GRM8: variants seen among roughly 807,000 people sequenced by gnomAD.
GRM8 encodes glutamate metabotropic receptor 8.
Under a neutral mutation model 87.2 loss-of-function variants are expected in GRM8, and 47 were observed. The observed-to-expected ratio is 0.54, with a 90% CI of 0.43 to 0.69. GRM8 has a LOEUF of 0.69. GRM8 is among the 30% of genes least tolerant of loss of function. The pLI is 0.00. For synonymous variants in GRM8, 396 were observed against 404.5 expected (o/e 0.98, Z 0.25); for missense variants, 1,019 against 1,139.2 (o/e 0.89, Z 1.52).
chr7:126,789,066 C>T (rs1820987486), intron 6 of GRM8, among the ~76,000 whole-genome samples: 1 of 152,022 alleles, frequency 6.6e-6, no homozygotes, highest in African/African-American at 2.4e-5. Flanking sequence ...GACAGGAAAG[C>T]AAGATGGTTT....
At chr7:126,802,563 A>C (rs1397286556) in intron 6 of GRM8, among the ~76,000 whole-genome samples, 2 of 152,226 alleles carry the variant, frequency 1.3e-5, no homozygotes, top group African/African-American at 2.4e-5. Context: ...TGTCATTTGA[A>C]ATAACATAGT....
At position 127,119,520 on chromosome 7, in the gene GRM8, A is replaced by G. The variant is rs183773113; in HGVS notation, c.511-12808T>C. ...CTCTCTCACACACACACACACATGC[A>G]CACACACACACATACACAAGAAAGA... is the stretch of plus-strand genomic sequence containing the variant. On this transcript the variant is annotated intron_variant, in intron 2 of 10. Coordinates refer to ENST00000339582, the MANE Select transcript of GRM8 (RefSeq NM_000845.3). Among the ~76,000 whole-genome samples, 373 of 151,386 alleles carry G rather than the reference A, an allele frequency of 2.5e-3. 3 individuals are homozygous for G. Among genetic ancestry groups the G allele is most frequent in the Middle Eastern group, 0.017 (5 of 294 alleles).
chr7:127,167,276 T>C (rs990559011), intron 2 of GRM8, among the ~76,000 whole-genome samples: 9 of 152,202 alleles, frequency 5.9e-5, no homozygotes, highest in Non-Finnish European at 1.0e-4. Flanking sequence ...TTCTAACTAA[T>C]ATAAGTGATA....
At chr7:126,973,657 A>G (rs887046542) in intron 3 of GRM8, among the ~76,000 whole-genome samples, 1 of 152,214 alleles carries the variant, frequency 6.6e-6, no homozygotes, top group African/African-American at 2.4e-5. Flanking sequence ...ACAGTGAGAC[A>G]CCATCCCCCT....
chr7:126,918,179 C>T (rs1039662750), intron 3 of GRM8, among the ~76,000 whole-genome samples: 1 of 152,052 alleles, frequency 6.6e-6, no homozygotes, highest in African/African-American at 2.4e-5. Context: ...TTGCCAGCGG[C>T]CTTGGAATTA....
chr7:126,642,564 TGGGAG>T (rs1802518910), intron 7 of GRM8, among the ~76,000 whole-genome samples: 2 of 151,946 alleles, frequency 1.3e-5, no homozygotes, highest in Admixed American at 1.3e-4. Context: ...AGTGTGAACC[TGGGAG>T]GCAGATCTTG....
intron 7 of GRM8, among the ~76,000 whole-genome samples, chr7:126,613,975 G>C (rs1023664068): frequency 7.2e-5 from 11 of 152,180 alleles, no homozygotes; most frequent in African/African-American, 2.7e-4. Context: ...CAAACAAAAG[G>C]CAGCAGACCT....
At chr7:126,966,123 T>G (rs1809826690) in intron 3 of GRM8, among the ~76,000 whole-genome samples, 1 of 152,048 alleles carries the variant, frequency 6.6e-6, no homozygotes, top group Non-Finnish European at 1.5e-5. Context: ...GTACAGAGAT[T>G]TCTTTTGTTG....
At chr7:127,097,426 C>T (rs1269946503) in intron 3 of GRM8, among the ~76,000 whole-genome samples, 4 of 152,114 alleles carry the variant, frequency 2.6e-5, no homozygotes, top group Non-Finnish European at 4.4e-5. Flanking sequence ...AGGAGTCATT[C>T]GAAAGCTTCC....
In GRM8 at chr7:126,755,927, T is replaced by C. The variant is rs549107670; in HGVS notation, c.1357+13938A>G. Among the ~76,000 whole-genome samples, 5 of 152,176 alleles carry C rather than the reference T, an allele frequency of 3.3e-5. No individual in the cohort carries two copies. In the South Asian group the frequency reaches 6.2e-4, roughly 19 times the overall value. ...CTCAACAGCCAGCCAATAAATCCTA[T>C]GCAGTAATATTTTCCATGGGTAATT... is the stretch of plus-strand genomic sequence containing the variant. On this transcript the variant is annotated intron_variant, in intron 7 of 10. Transcript: ENST00000339582.
At chr7:126,544,084 CA>C (rs1311518981) in intron 8 of GRM8, among the ~76,000 whole-genome samples, 1 of 152,136 alleles carries the variant, frequency 6.6e-6, no homozygotes, top group Admixed American at 6.5e-5. Context: ...CATCCTCCTC[CA>C]AGACATATTT....
intron 3 of GRM8, among the ~76,000 whole-genome samples, chr7:127,056,883 AG>A (rs1282382002): frequency 5.9e-5 from 9 of 152,190 alleles, no homozygotes; most frequent in South Asian, 2.1e-4. Flanking sequence ...TTTTTACTGG[AG>A]TTGCAGAAGG....
chr7:127,226,586 A>G (rs1265265274), intron 2 of GRM8, among the ~76,000 whole-genome samples: 1 of 152,230 alleles, frequency 6.6e-6, no homozygotes, highest in East Asian at 1.9e-4. Flanking sequence ...AGGACTTCCT[A>G]AGAGCAGAAC....
intron 8 of GRM8, among the ~76,000 whole-genome samples, chr7:126,586,810 A>T (rs1796180101): frequency 6.6e-6 from 1 of 152,186 alleles, no homozygotes; most frequent in African/African-American, 2.4e-5. Context: ...CAATGGCAAC[A>T]AAAGCCAAAA....
chr7:126,716,997 G>T (rs958843116), intron 7 of GRM8, among the ~76,000 whole-genome samples: 3 of 152,176 alleles, frequency 2.0e-5, no homozygotes, highest in African/African-American at 7.2e-5. Flanking sequence ...CTACATGAAA[G>T]ATGATGGTAA....
At chr7:126,868,759 AAATGCTTTCAGCATGAGCTTCAGC>A (rs1259540658) in intron 6 of GRM8, 1 of 152,256 alleles carries the variant, frequency 6.6e-6, no homozygotes, top group Non-Finnish European at 1.5e-5. Context: ...TTATTGCTAA[AAATGCTTTCAGCATGAGCTTCAGC>A]AAGTCACTTT....
At chr7:126,714,832 A>C (rs1232644528) in intron 7 of GRM8, among the ~76,000 whole-genome samples, 1 of 152,162 alleles carries the variant, frequency 6.6e-6, no homozygotes, top group African/African-American at 2.4e-5. Flanking sequence ...ATGTGTATAT[A>C]TATATATAAA....
intron 2 of GRM8, among the ~76,000 whole-genome samples, chr7:127,189,140 C>G (rs980136707): frequency 6.6e-6 from 1 of 152,176 alleles, no homozygotes; most frequent in African/African-American, 2.4e-5. Context: ...CAAGTATACA[C>G]AGTATGGTAG....
intron 3 of GRM8, among the ~76,000 whole-genome samples, chr7:126,964,260 A>G (rs1809613784): frequency 1.3e-5 from 2 of 152,176 alleles, no homozygotes; most frequent in Non-Finnish European, 2.9e-5. Flanking sequence ...GCATGGGCAA[A>G]GACTTCATGA....
Sources: gnomAD v4.1 joint callset for allele counts (sites outside exome capture counted in the v4.1 genomes callset) on GRCh38, gnomAD v4.1.1 for gene constraint, MANE v1.5 for transcripts, NCBI Gene and HGNC (gene_info 2026-07-23, HGNC 2026-07-21) for gene names.